CUL3: variants seen among roughly 807,000 people sequenced by gnomAD.
The protein encoded by CUL3 is cullin 3, also known as cullin-3.
In CUL3, 19 loss-of-function variants were observed where a neutral mutation model predicts 89.1. The observed-to-expected ratio is 0.21, with a 90% CI of 0.15 to 0.31. The LOEUF is 0.31. CUL3 is among the 10% of genes least tolerant of loss of function. The pLI is 1.00. For missense variants in CUL3, 469 were observed against 942.3 expected, an observed-to-expected ratio of 0.50 and a Z score of 6.58; for synonymous variants, 351 against 308.4, an observed-to-expected ratio of 1.14 and a Z score of -1.45.
chr2:224,567,009 T>C (rs1408020091), intron 1 of CUL3, among the ~76,000 whole-genome samples: 1 of 152,176 alleles, frequency 6.6e-6, no homozygotes, highest in East Asian at 1.9e-4. Flanking sequence ...CAACAATTTC[T>C]TGTAACGTCA....
At chr2:224,577,814 C>T (rs1045054543) in intron 1 of CUL3, among the ~76,000 whole-genome samples, 2 of 152,090 alleles carry the variant, frequency 1.3e-5, no homozygotes, top group South Asian at 2.1e-4. Context: ...TAAAATTAAA[C>T]ATACATTATG....
intron 3 of CUL3, among the ~76,000 whole-genome samples, chr2:224,526,604 A>G (rs1329913945): frequency 2.7e-5 from 4 of 150,542 alleles, no homozygotes; most frequent in African/African-American, 7.3e-5. Context: ...AAAAAAAAAA[A>G]AAAAAAAGAA....
intron 6 of CUL3, 23 bp downstream of exon 6, chr2:224,511,331 A>AT: frequency 6.7e-7 from 1 of 1,498,206 alleles, no homozygotes; most frequent in Non-Finnish European, 9.1e-7. Flanking sequence ...GGATTTAATT[A>AT]TTTTTCAATC....
intron 10 of CUL3, among the ~76,000 whole-genome samples, chr2:224,501,587 C>T (rs1692390480): frequency 6.6e-6 from 1 of 152,084 alleles, no homozygotes; most frequent in African/African-American, 2.4e-5. Context: ...TTATGAATAT[C>T]AAGAAGCATT....
At chr2:224,553,742 G>A (rs1694602241) in intron 2 of CUL3, among the ~76,000 whole-genome samples, 1 of 152,118 alleles carries the variant, frequency 6.6e-6, no homozygotes, top group Non-Finnish European at 1.5e-5. Context: ...CAAGGAGGTG[G>A]TTGTCTATAG....
intron 13 of CUL3, among the ~76,000 whole-genome samples, chr2:224,484,822 C>T (rs569950585): frequency 4.6e-5 from 7 of 152,234 alleles, no homozygotes; most frequent in Non-Finnish European, 5.9e-5. Context: ...TTTTTAGAAA[C>T]GACAAATTTG....
At chr2:224,501,111 G>C (rs1421547637) in intron 10 of CUL3, among the ~76,000 whole-genome samples, 1 of 152,136 alleles carries the variant, frequency 6.6e-6, no homozygotes, top group Non-Finnish European at 1.5e-5. Flanking sequence ...TTAAATAAAA[G>C]GTCAAGGAGG....
At chr2:224,507,728 T>A (rs1692653302) in intron 6 of CUL3, among the ~76,000 whole-genome samples, 1 of 152,160 alleles carries the variant, frequency 6.6e-6, no homozygotes, top group African/African-American at 2.4e-5. Context: ...ATCCATTTTT[T>A]AATATCATTT....
intron 13 of CUL3, among the ~76,000 whole-genome samples, chr2:224,482,559 C>T (rs1691573761): frequency 6.6e-6 from 1 of 151,760 alleles, no homozygotes; most frequent in Non-Finnish European, 1.5e-5. Flanking sequence ...TCCAGACTGA[C>T]CATATGTATG....
chr2:224,480,609 T>C (rs1428711037), intron 14 of CUL3, among the ~76,000 whole-genome samples: 2 of 152,164 alleles, frequency 1.3e-5, no homozygotes, highest in South Asian at 2.1e-4. Flanking sequence ...TAATATCTGA[T>C]ATTATTATTG....
At chr2:224,583,033 C>T (rs900484365) in intron 1 of CUL3, among the ~76,000 whole-genome samples, 3 of 152,138 alleles carry the variant, frequency 2.0e-5, no homozygotes, top group Non-Finnish European at 4.4e-5. Flanking sequence ...TTATTTAGAA[C>T]ATGAGACTTC....
At position 224,497,810 on chromosome 2, in the gene CUL3, G is replaced by A. The variant is rs1692222496; in HGVS notation, c.1650C>T (p.Leu550=). 6.2e-7 allele frequency: 1 copy of A among 1,613,878 alleles called. No individual in the cohort carries two copies. Among genetic ancestry groups the A allele is most frequent in the African/African-American group, 1.3e-5 (1 of 74,898 alleles). Reference sequence around the variant, plus strand: ...GATCTGCAGAACCCATATGATGCTGGAGTGTGAGCTGTCGACCACTGTGTT... The same window carrying A: ...GATCTGCAGAACCCATATGATGCTGAAGTGTGAGCTGTCGACCACTGTGTT... ...LAKHSGRQLT[L]QHHMGSADLN... The change falls in exon 12 of 16, where the codon CTC becomes CTT. Residue 550 remains leucine, a synonymous_variant. Coordinates refer to ENST00000264414, the MANE Select transcript of CUL3 (RefSeq NM_003590.5).
intron 1 of CUL3, among the ~76,000 whole-genome samples, chr2:224,575,990 A>G (rs1542787): frequency 0.19 from 28,760 of 151,994 alleles, 3,005 homozygotes; most frequent in South Asian, 0.27. Context: ...GCTAGACATA[A>G]TATCTGTGAG....
chr2:224,504,137 T>TA (rs1167296323), intron 8 of CUL3: 6 of 194,112 alleles, frequency 3.1e-5, no homozygotes, highest in South Asian at 3.7e-4. Context: ...AATGAAATTT[T>TA]AGTCACAGAG....
intron 2 of CUL3, among the ~76,000 whole-genome samples, chr2:224,538,344 T>C (rs1559192684): frequency 6.6e-6 from 1 of 152,166 alleles, no homozygotes; most frequent in East Asian, 1.9e-4. Flanking sequence ...GAGATGAAGA[T>C]TATGAAGATT....
intron 1 of CUL3, among the ~76,000 whole-genome samples, chr2:224,576,690 G>T (rs958382999): frequency 2.2e-5 from 1 of 44,644 alleles, no homozygotes; most frequent in African/African-American, 1.8e-4. Context: ...AAAAAAAAGG[G>T]GGGGGGGGGA....
At chr2:224,543,364 T>G (rs377108936) in intron 2 of CUL3, among the ~76,000 whole-genome samples, 1 of 152,242 alleles carries the variant, frequency 6.6e-6, no homozygotes, top group Non-Finnish European at 1.5e-5. Flanking sequence ...TGAGACATAA[T>G]AACATGGAGC....
intron 10 of CUL3, among the ~76,000 whole-genome samples, chr2:224,501,310 CACT>C (rs1692379772): frequency 6.6e-6 from 1 of 152,216 alleles, no homozygotes; most frequent in Non-Finnish European, 1.5e-5. Context: ...AGTGCTATAA[CACT>C]ATAGATCCAG....
intron 14 of CUL3, among the ~76,000 whole-genome samples, chr2:224,481,390 T>C (rs531109403): frequency 2.1e-5 from 3 of 144,940 alleles, no homozygotes; most frequent in East Asian, 2.1e-4. Context: ...TATCGACTTA[T>C]ATGGCTCTAT....
Sources: gnomAD v4.1 joint callset for allele counts (sites outside exome capture counted in the v4.1 genomes callset) on GRCh38, gnomAD v4.1.1 for gene constraint, MANE v1.5 for transcripts, NCBI Gene and HGNC (gene_info 2026-07-23, HGNC 2026-07-21) for gene names.